Variants in EGFLAM observed in about 807,000 individuals in gnomAD.
EGFLAM encodes pikachurin.
EGFLAM carries 79 observed loss-of-function variants against 113.1 expected under a neutral mutation model. The ratio of observed to expected loss-of-function variants is 0.70; its 90% CI spans 0.58 to 0.84. The LOEUF (loss-of-function observed/expected upper bound fraction) is 0.84, where lower values mean the gene tolerates loss of function less well. EGFLAM is among the 40% of genes least tolerant of loss of function. The pLI is 0.00. For missense variants in EGFLAM, 1,265 were observed against 1,291.6 expected (o/e 0.98, Z 0.32); for synonymous variants, 504 against 487.6 (o/e 1.03, Z -0.44).
chr5:38,388,900 G>T (rs1385286763), intron 6 of EGFLAM, among the ~76,000 whole-genome samples: 1 of 144,022 alleles, frequency 6.9e-6, no homozygotes, highest in Non-Finnish European at 1.5e-5. Flanking sequence ...GGGTGACAGA[G>T]CAAGACCCTG....
intron 20 of EGFLAM, among the ~76,000 whole-genome samples, chr5:38,458,898 T>C (rs1030199496): frequency 1.2e-4 from 18 of 152,038 alleles, no homozygotes; most frequent in African/African-American, 4.3e-4. Flanking sequence ...GGAGGACCGC[T>C]TAAGCCTGGG....
At chr5:38,365,534 A>G (rs968393084) in intron 5 of EGFLAM, among the ~76,000 whole-genome samples, 2 of 152,178 alleles carry the variant, frequency 1.3e-5, no homozygotes, top group African/African-American at 4.8e-5. Flanking sequence ...AATGCCATCT[A>G]AGGTATTCTA....
chr5:38,425,525 T>C (rs955541198), intron 13 of EGFLAM, among the ~76,000 whole-genome samples: 1 of 152,126 alleles, frequency 6.6e-6, no homozygotes, highest in Middle Eastern at 3.2e-3. Context: ...GGGATCAACA[T>C]TGCTTTGTTG....
At chr5:38,275,209 T>C (rs1757858144) in intron 1 of EGFLAM, among the ~76,000 whole-genome samples, 1 of 152,148 alleles carries the variant, frequency 6.6e-6, no homozygotes, top group African/African-American at 2.4e-5. Context: ...AAAATGGTGG[T>C]AATAAGTGTG....
intron 1 of EGFLAM, 106 bp downstream of exon 1, chr5:38,258,957 C>G (rs1262058259): frequency 3.2e-6 from 4 of 1,234,616 alleles, no homozygotes; most frequent in Middle Eastern, 2.7e-4. Context: ...CCCCGACCAA[C>G]GTCTGCTTAA....
intron 6 of EGFLAM, among the ~76,000 whole-genome samples, chr5:38,404,382 A>G (rs1228707063): frequency 6.6e-6 from 1 of 152,194 alleles, no homozygotes; most frequent in Non-Finnish European, 1.5e-5. Flanking sequence ...CACCATGTGA[A>G]GATGCAGTGA....
chr5:38,275,853 A>C (rs766430092), intron 1 of EGFLAM, among the ~76,000 whole-genome samples: 3 of 152,240 alleles, frequency 2.0e-5, no homozygotes, highest in Non-Finnish European at 4.4e-5. Context: ...AGGAGATTGA[A>C]ATTATGTTAA....
At chr5:38,426,752 GC>G (rs1371916877) in intron 13 of EGFLAM, among the ~76,000 whole-genome samples, 1 of 152,158 alleles carries the variant, frequency 6.6e-6, no homozygotes, top group East Asian at 1.9e-4. Context: ...ACTGATACTT[GC>G]ATCCTGCCAG....
chr5:38,311,106 T>C (rs989855701), intron 1 of EGFLAM, among the ~76,000 whole-genome samples: 5 of 152,086 alleles, frequency 3.3e-5, no homozygotes, highest in African/African-American at 1.2e-4. Context: ...TTGACAAAGA[T>C]TATATTTATT....
intron 20 of EGFLAM, among the ~76,000 whole-genome samples, chr5:38,459,010 C>T (rs1388814319): frequency 6.6e-6 from 1 of 151,746 alleles, no homozygotes; most frequent in Non-Finnish European, 1.5e-5. Flanking sequence ...ATTGTACAGG[C>T]AATCCTCCCC....
chr5:38,428,434 T>C (rs1742085438), intron 14 of EGFLAM, among the ~76,000 whole-genome samples: 1 of 152,252 alleles, frequency 6.6e-6, no homozygotes, highest in Non-Finnish European at 1.5e-5. Context: ...TTGTTGTACC[T>C]CTGGTTATGC....
intron 5 of EGFLAM, among the ~76,000 whole-genome samples, chr5:38,357,975 T>C (rs1383163616): frequency 6.6e-6 from 1 of 150,568 alleles, no homozygotes; most frequent in Non-Finnish European, 1.5e-5. Context: ...GAATTTTTTT[T>C]TTTTTTTTTT....
At chr5:38,390,871 G>A (rs1157883943) in intron 6 of EGFLAM, among the ~76,000 whole-genome samples, 1 of 151,830 alleles carries the variant, frequency 6.6e-6, no homozygotes, top group Non-Finnish European at 1.5e-5. Context: ...TATATATGTA[G>A]TAAATATTAA....
chr5:38,369,353 C>T (rs1740147478), intron 5 of EGFLAM, among the ~76,000 whole-genome samples: 1 of 152,076 alleles, frequency 6.6e-6, no homozygotes, highest in Non-Finnish European at 1.5e-5. Context: ...TACACAATAG[C>T]ACATCTCAAT....
intron 6 of EGFLAM, chr5:38,403,903 G>A: frequency 1.2e-6 from 2 of 1,613,774 alleles, no homozygotes; most frequent in Non-Finnish European, 1.7e-6. Context: ...TATAAATCTG[G>A]CATCGACAGG....
intron 6 of EGFLAM, among the ~76,000 whole-genome samples, chr5:38,376,569 C>T (rs1740370313): frequency 6.6e-6 from 1 of 152,212 alleles, no homozygotes; most frequent in South Asian, 2.1e-4. Flanking sequence ...TGCTTCAGAA[C>T]TTTAGCACCT....
intron 6 of EGFLAM, among the ~76,000 whole-genome samples, chr5:38,391,416 G>T (rs1168281049): frequency 7.1e-6 from 1 of 141,678 alleles, no homozygotes; most frequent in South Asian, 2.2e-4. Flanking sequence ...GTGTGTGTGT[G>T]TGATGGAGTC....
chr5:38,375,669 A>G (rs751196947), intron 6 of EGFLAM, among the ~76,000 whole-genome samples: 1 of 151,842 alleles, frequency 6.6e-6, no homozygotes, highest in Admixed American at 6.6e-5. Flanking sequence ...TAATGGGGCA[A>G]TTGGAAGATC....
rs201382872 is a variant in EGFLAM at position 38,451,465 on chromosome 5, C to G, written c.2687+7C>G. ...ATGGAGCCCTCGTGTTCAGGTAACCCCCTCTCCATCTGCCTTCAGCAGCAC... is the reference window on the plus strand; with the variant it reads ...ATGGAGCCCTCGTGTTCAGGTAACCGCCTCTCCATCTGCCTTCAGCAGCAC... On this transcript the variant is annotated splice_region_variant and intron_variant, in intron 19 of 21. Coordinates refer to ENST00000322350, the MANE Select transcript of EGFLAM (RefSeq NM_152403.4). 1.1e-5 allele frequency: 17 copies of G among 1,613,362 alleles called. No homozygotes were observed. Among genetic ancestry groups the G allele is most frequent in the African/African-American group, 1.3e-5 (1 of 75,028 alleles).
Sources: allele counts gnomAD v4.1 joint callset (sites outside exome capture counted in the v4.1 genomes callset), GRCh38; gene constraint gnomAD v4.1.1; transcripts MANE v1.5; gene names NCBI Gene and HGNC (gene_info 2026-07-23, HGNC 2026-07-21).